Variants in NLGN1 observed in about 807,000 individuals in gnomAD.
NLGN1 encodes the protein neuroligin-1.
Under a neutral mutation model 65.5 loss-of-function variants are expected in NLGN1, and 12 were observed. The observed-to-expected ratio is 0.18, with a 90% CI of 0.12 to 0.30. The LOEUF is 0.30. Ranked by LOEUF, NLGN1 falls within the 10% of genes least tolerant of loss-of-function variation. The probability of loss-of-function intolerance (pLI) is 1.00; values close to 1 mark genes in which losing one functional copy is unlikely to be tolerated. For synonymous variants in NLGN1, 350 were observed against 359.5 expected (o/e 0.97, Z 0.30); for missense variants, 750 against 1,007.1 (o/e 0.74, Z 3.46).
chr3:173,646,720 C>T (rs1170914058), intron 3 of NLGN1, among the ~76,000 whole-genome samples: 2 of 151,694 alleles, frequency 1.3e-5, no homozygotes. Flanking sequence ...AAAAAGGATA[C>T]AAAATGGAAT....
intron 4 of NLGN1, among the ~76,000 whole-genome samples, chr3:174,065,167 A>G (rs1738248794): frequency 2.0e-5 from 3 of 151,992 alleles, no homozygotes; most frequent in South Asian, 4.1e-4. Flanking sequence ...CCATATGTAG[A>G]TGTAAAATAT....
chr3:173,461,758 A>G (rs1025620691), intron 2 of NLGN1, among the ~76,000 whole-genome samples: 1 of 152,102 alleles, frequency 6.6e-6, no homozygotes, highest in Admixed American at 6.6e-5. Context: ...GTAACATTCT[A>G]CAAAAAAAAT....
downstream of NLGN1, among the ~76,000 whole-genome samples, chr3:174,288,018 T>G (rs1752323568): frequency 6.6e-6 from 1 of 151,622 alleles, no homozygotes; most frequent in Admixed American, 6.6e-5. Context: ...TGGCCAATTC[T>G]ATGACTTACT....
intron 4 of NLGN1, among the ~76,000 whole-genome samples, chr3:174,029,264 T>G (rs1231908096): frequency 1.3e-5 from 2 of 152,076 alleles, no homozygotes; most frequent in Non-Finnish European, 2.9e-5. Flanking sequence ...ACCACAAGGG[T>G]GGAGCTGTCC....
At chr3:173,664,913 T>G (rs1172235374) in intron 3 of NLGN1, among the ~76,000 whole-genome samples, 1 of 152,174 alleles carries the variant, frequency 6.6e-6, no homozygotes, top group Admixed American at 6.6e-5. Flanking sequence ...TGCTCTGAAT[T>G]TCCACTGCTA....
intron 3 of NLGN1, among the ~76,000 whole-genome samples, chr3:173,728,417 T>C (rs1772196676): frequency 1.3e-5 from 2 of 152,210 alleles, no homozygotes; most frequent in African/African-American, 4.8e-5. Flanking sequence ...GGTGACTACC[T>C]CCTTTATACT....
chr3:173,753,345 A>G (rs1578264352), intron 3 of NLGN1, among the ~76,000 whole-genome samples: 1 of 152,072 alleles, frequency 6.6e-6, no homozygotes, highest in African/African-American at 2.4e-5. Context: ...TCTTTCTTCT[A>G]TATTTGTTTC....
intron 1 of NLGN1, among the ~76,000 whole-genome samples, chr3:173,425,191 G>T (rs1715874940): frequency 6.6e-6 from 1 of 152,132 alleles, no homozygotes; most frequent in Admixed American, 6.5e-5. Flanking sequence ...AGGGGAAACT[G>T]TTCCCATGAT....
chr3:174,166,402 T>C (rs1727502008), intron 4 of NLGN1, among the ~76,000 whole-genome samples: 2 of 152,062 alleles, frequency 1.3e-5, no homozygotes, highest in South Asian at 4.1e-4. Flanking sequence ...TCTCTATTTT[T>C]ATTTCAAAGA....
chr3:173,541,488 A>C (rs1240364701), intron 2 of NLGN1, among the ~76,000 whole-genome samples: 4 of 152,152 alleles, frequency 2.6e-5, no homozygotes, highest in Non-Finnish European at 5.9e-5. Flanking sequence ...GATTCAGTGC[A>C]TATTGTCTAT....
chr3:173,896,171 A>C (rs1736320643), intron 4 of NLGN1, among the ~76,000 whole-genome samples: 1 of 152,178 alleles, frequency 6.6e-6, no homozygotes. Flanking sequence ...GTAGGAATAC[A>C]CTAGCTATGT....
intron 4 of NLGN1, among the ~76,000 whole-genome samples, chr3:173,936,103 TAA>T (rs1209049553): frequency 1.3e-5 from 2 of 151,958 alleles, no homozygotes; most frequent in African/African-American, 2.4e-5. Flanking sequence ...ATTTGCACAT[TAA>T]GTCTTTTTTT....
intron 4 of NLGN1, among the ~76,000 whole-genome samples, chr3:173,990,001 C>G (rs1720764122): frequency 6.6e-6 from 1 of 152,148 alleles, no homozygotes; most frequent in Non-Finnish European, 1.5e-5. Flanking sequence ...CATATTGGCT[C>G]AGAATAATCA....
intron 4 of NLGN1, among the ~76,000 whole-genome samples, chr3:174,071,859 A>G (rs1467815722): frequency 6.6e-6 from 1 of 152,140 alleles, no homozygotes; most frequent in African/African-American, 2.4e-5. Context: ...GAAACTAAGT[A>G]TTTCCAAGAA....
chr3:174,087,677 A>T (rs1576802354), intron 4 of NLGN1, among the ~76,000 whole-genome samples: 1 of 152,256 alleles, frequency 6.6e-6, no homozygotes, highest in African/African-American at 2.4e-5. Flanking sequence ...TCTATGCCAC[A>T]ACTATACCTG....
intron 3 of NLGN1, among the ~76,000 whole-genome samples, chr3:173,634,910 CT>C (rs1037478793): frequency 4.6e-5 from 7 of 152,186 alleles, no homozygotes; most frequent in African/African-American, 1.7e-4. Context: ...AATAGGACCT[CT>C]AAGTAGGCGT....
chr3:173,651,951 C>T (rs927358210), intron 3 of NLGN1, among the ~76,000 whole-genome samples: 1 of 152,064 alleles, frequency 6.6e-6, no homozygotes, highest in South Asian at 2.1e-4. Flanking sequence ...CACCACCATG[C>T]CCAGCTAATT....
At chr3:173,862,722 C>G (rs1013779322) in intron 4 of NLGN1, among the ~76,000 whole-genome samples, 4 of 151,930 alleles carry the variant, frequency 2.6e-5, no homozygotes, top group Non-Finnish European at 5.9e-5. Context: ...ATAAATTTTT[C>G]ACTACTTCAA....
intron 4 of NLGN1, among the ~76,000 whole-genome samples, chr3:174,198,144 C>T (rs1733812055): frequency 6.6e-6 from 1 of 151,920 alleles, no homozygotes; most frequent in South Asian, 2.1e-4. Context: ...CATTGTTGTA[C>T]CTTTAGGTTG....
Sources: gnomAD v4.1 joint callset for allele counts (sites outside exome capture counted in the v4.1 genomes callset) on GRCh38, gnomAD v4.1.1 for gene constraint, MANE v1.5 for transcripts, NCBI Gene and HGNC (gene_info 2026-07-23, HGNC 2026-07-21) for gene names.